SLC30A6: variants seen among roughly 807,000 people sequenced by gnomAD.
The protein encoded by SLC30A6 is solute carrier family 30 member 6.
In SLC30A6, 55 loss-of-function variants were observed where a neutral mutation model predicts 63.0. That is an observed-to-expected ratio of 0.87 (90% CI 0.70 to 1.09). The LOEUF (loss-of-function observed/expected upper bound fraction) is 1.09, where lower values mean the gene tolerates loss of function less well. Ranked by LOEUF, SLC30A6 falls within the 50% of genes least tolerant of loss-of-function variation. The pLI, the probability that SLC30A6 is intolerant of heterozygous loss-of-function variation, is 0.00. For synonymous variants in SLC30A6, 224 were observed against 186.1 expected, an observed-to-expected ratio of 1.20 and a Z score of -1.66; for missense variants, 587 against 549.2, an observed-to-expected ratio of 1.07 and a Z score of -0.69.
intron 10 of SLC30A6, among the ~76,000 whole-genome samples, chr2:32,198,221 C>G (rs1333117739): frequency 1.3e-5 from 2 of 152,160 alleles, no homozygotes; most frequent in African/African-American, 2.4e-5. Flanking sequence ...TTAAGCTTAA[C>G]ATGTTATGGC....
intron 10 of SLC30A6, chr2:32,203,095 A>C: frequency 7.6e-7 from 1 of 1,309,158 alleles, no homozygotes; most frequent in Non-Finnish European, 1.1e-6. Flanking sequence ...TTTACACTAA[A>C]AGACTTCAGA....
intron 2 of SLC30A6, 45 bp from the exon 3 acceptor site, chr2:32,174,018 A>G: frequency 1.4e-6 from 2 of 1,472,194 alleles, no homozygotes; most frequent in South Asian, 1.2e-5. Flanking sequence ...GACCCCGTGA[A>G]ATTTATCACT....
intron 4 of SLC30A6, chr2:32,177,611 A>T (rs766864623): frequency 6.0e-6 from 1 of 165,542 alleles, no homozygotes. Flanking sequence ...GTTTTCTTCT[A>T]AGAGTTTTAT....
intron 10 of SLC30A6, among the ~76,000 whole-genome samples, chr2:32,199,119 A>G (rs1684045681): frequency 6.6e-6 from 1 of 152,218 alleles, no homozygotes; most frequent in Non-Finnish European, 1.5e-5. Flanking sequence ...TTCACTTAGC[A>G]TAATGTCCTC....
intron 10 of SLC30A6, chr2:32,203,442 C>A: frequency 6.6e-7 from 1 of 1,520,032 alleles, no homozygotes; most frequent in Non-Finnish European, 9.1e-7. Flanking sequence ...TTCCAACCAT[C>A]AGCTCAGATA....
At chr2:32,186,640 C>T (rs1366175486) in intron 5 of SLC30A6, among the ~76,000 whole-genome samples, 1 of 149,296 alleles carries the variant, frequency 6.7e-6, no homozygotes, top group African/African-American at 2.5e-5. Context: ...TGCAGTGAGT[C>T]GAGATTGTGC....
chr2:32,173,421 T>G (rs1260223231), intron 2 of SLC30A6, among the ~76,000 whole-genome samples: 3 of 151,750 alleles, frequency 2.0e-5, no homozygotes, highest in Non-Finnish European at 4.4e-5. Flanking sequence ...TCGCCCAGGC[T>G]GGAGTGCAGT....
chr2:32,200,947 CATCT>C (rs1056888789), intron 10 of SLC30A6, among the ~76,000 whole-genome samples: 4 of 152,148 alleles, frequency 2.6e-5, no homozygotes, highest in African/African-American at 9.7e-5. Flanking sequence ...ACTAACCATC[CATCT>C]ATCTATTCCT....
At chr2:32,193,341 A>G (rs1389967952) in intron 7 of SLC30A6, among the ~76,000 whole-genome samples, 2 of 152,184 alleles carry the variant, frequency 1.3e-5, no homozygotes, top group South Asian at 2.1e-4. Flanking sequence ...TTGGGAGGCT[A>G]AGGCAGGAGG....
At chr2:32,200,924 C>G in intron 10 of SLC30A6, among the ~76,000 whole-genome samples, 1 of 152,104 alleles carries the variant, frequency 6.6e-6, no homozygotes, top group Non-Finnish European at 1.5e-5. Flanking sequence ...GTAATCAGGC[C>G]CCTACCAACC....
chr2:32,203,848 A>G (rs567402705), intron 10 of SLC30A6: 13 of 1,326,034 alleles, frequency 9.8e-6, no homozygotes, highest in African/African-American at 2.9e-5. Flanking sequence ...TGGTTGGTCA[A>G]GTGGCCAGTC....
At chr2:32,190,726 G>C (rs1683253997) in intron 5 of SLC30A6, among the ~76,000 whole-genome samples, 1 of 152,162 alleles carries the variant, frequency 6.6e-6, no homozygotes, top group East Asian at 1.9e-4. Context: ...CCAGGTTCAA[G>C]CAATTCTCGT....
intron 10 of SLC30A6, chr2:32,202,275 C>A: frequency 3.5e-6 from 2 of 568,066 alleles, no homozygotes; most frequent in Non-Finnish European, 5.9e-6. Flanking sequence ...GAAAGAAAGA[C>A]ATTCTATTTT....
chr2:32,212,742 G>A (rs1685360528), intron 13 of SLC30A6, among the ~76,000 whole-genome samples: 1 of 150,992 alleles, frequency 6.6e-6, no homozygotes, highest in African/African-American at 2.4e-5. Context: ...GACTACAGGT[G>A]CATGCCACCA....
intron 4 of SLC30A6, among the ~76,000 whole-genome samples, chr2:32,176,353 GT>G (rs989348965): frequency 6.6e-6 from 1 of 151,956 alleles, no homozygotes; most frequent in Non-Finnish European, 1.5e-5. Context: ...GTGCTCTTTT[GT>G]TTTTTTAAAA....
At chr2:32,182,172 A>C (rs1682385914) in intron 4 of SLC30A6, among the ~76,000 whole-genome samples, 1 of 151,864 alleles carries the variant, frequency 6.6e-6, no homozygotes, top group African/African-American at 2.4e-5. Flanking sequence ...TGGGCTCTCA[A>C]GTGATCCACC....
chr2:32,197,558 T>C, intron 9 of SLC30A6, 149 bp from the exon 10 acceptor site: 1 of 1,321,112 alleles, frequency 7.6e-7, no homozygotes, highest in South Asian at 1.4e-5. Flanking sequence ...GAGAACTTTA[T>C]AAATGAAAGG....
At chr2:32,166,912 A>G (rs1200149961) in intron 1 of SLC30A6, among the ~76,000 whole-genome samples, 1 of 151,902 alleles carries the variant, frequency 6.6e-6, no homozygotes, top group East Asian at 1.9e-4. Flanking sequence ...AACATTCACC[A>G]TTGTGAAGCC....
chr2:32,185,163 C>T (rs1396402796), intron 5 of SLC30A6, among the ~76,000 whole-genome samples: 1 of 152,218 alleles, frequency 6.6e-6, no homozygotes, highest in African/African-American at 2.4e-5. Context: ...GAGTTAGAAG[C>T]CAGCCTGGGC....
Sources: allele counts gnomAD v4.1 joint callset (sites outside exome capture counted in the v4.1 genomes callset), GRCh38; gene constraint gnomAD v4.1.1; transcripts MANE v1.5; gene names NCBI Gene and HGNC (gene_info 2026-07-23, HGNC 2026-07-21).